ZDHHC21: variants seen among roughly 807,000 people sequenced by gnomAD.
ZDHHC21 encodes zDHHC palmitoyltransferase 21.
Under a neutral mutation model 34.6 loss-of-function variants are expected in ZDHHC21, and 15 were observed. The observed-to-expected ratio is 0.43, with a 90% CI of 0.29 to 0.67. The LOEUF is 0.67. ZDHHC21 is among the 30% of genes least tolerant of loss of function. The pLI, the probability that ZDHHC21 is intolerant of heterozygous loss-of-function variation, is 0.14. For synonymous variants in ZDHHC21, 142 were observed against 101.8 expected, an observed-to-expected ratio of 1.40 and a Z score of -2.38; for missense variants, 344 against 327.7, an observed-to-expected ratio of 1.05 and a Z score of -0.38.
At chr9:14,635,915 A>T (rs1828225801) in intron 8 of ZDHHC21, among the ~76,000 whole-genome samples, 2 of 152,254 alleles carry the variant, frequency 1.3e-5, no homozygotes, top group Middle Eastern at 3.4e-3. Flanking sequence ...ACACACAAAT[A>T]AGGAAGAGGA....
At chr9:14,628,353 A>C (rs1323268437) in intron 8 of ZDHHC21, among the ~76,000 whole-genome samples, 1 of 152,206 alleles carries the variant, frequency 6.6e-6, no homozygotes, top group African/African-American at 2.4e-5. Context: ...GATGAGATAA[A>C]TGATTTATTT....
chr9:14,652,801 T>TTTG (rs549370696), intron 7 of ZDHHC21, among the ~76,000 whole-genome samples: 1 of 152,152 alleles, frequency 6.6e-6, no homozygotes, highest in African/African-American at 2.4e-5. Context: ...ACTCATTTTT[T>TTTG]TTGTTGTTGT....
rs1269879268 is a variant in ZDHHC21, at chr9:14,614,722, T to C, written c.*4244A>G. 6.6e-6 allele frequency: 1 copy of C among 151,706 alleles called. No homozygotes were observed. Among genetic ancestry groups the C allele is most frequent in the East Asian group, 1.9e-4 (1 of 5,192 alleles). 9.4% of individuals were successfully genotyped at this position (151,706 alleles called of 1,614,324 possible). On this transcript the variant is annotated 3_prime_UTR_variant, in exon 10 of 10. Coordinates refer to ENST00000380916, the MANE Select transcript of ZDHHC21 (RefSeq NM_178566.6). Reference sequence around the variant, plus strand: ...TAATCATACAGTTAATACTAGCAAGTAGAACACATTAAATGTACATGGCTT... The same window carrying C: ...TAATCATACAGTTAATACTAGCAAGCAGAACACATTAAATGTACATGGCTT...
At chr9:14,610,816 T>C (rs922201271), downstream of ZDHHC21, among the ~76,000 whole-genome samples, 5 of 152,062 alleles carry the variant, frequency 3.3e-5, no homozygotes, top group African/African-American at 1.2e-4. Context: ...GCCATCTGCG[T>C]CATCTCTAAG....
At chr9:14,664,240 G>T (rs1833951604) in intron 5 of ZDHHC21, among the ~76,000 whole-genome samples, 1 of 152,158 alleles carries the variant, frequency 6.6e-6, no homozygotes. Context: ...GTCAAAGAAA[G>T]GGGTGACGGA....
chr9:14,631,638 G>T (rs977122552), intron 8 of ZDHHC21, among the ~76,000 whole-genome samples: 4 of 152,086 alleles, frequency 2.6e-5, no homozygotes, highest in Admixed American at 1.3e-4. Flanking sequence ...TGTAGTTTTT[G>T]ATTTAAAGTG....
intron 7 of ZDHHC21, among the ~76,000 whole-genome samples, chr9:14,657,038 T>C (rs1282074977): frequency 1.3e-5 from 2 of 152,040 alleles, no homozygotes; most frequent in African/African-American, 2.4e-5. Context: ...AATCCATTTC[T>C]CCATTTTAAA....
intron 8 of ZDHHC21, among the ~76,000 whole-genome samples, chr9:14,639,352 T>C (rs1274200464): frequency 2.6e-5 from 4 of 151,912 alleles, no homozygotes; most frequent in African/African-American, 9.7e-5. Context: ...TACAAGAGGC[T>C]GGAAAGGGTG....
chr9:14,664,867 C>A (rs958678944), intron 5 of ZDHHC21, among the ~76,000 whole-genome samples: 4 of 150,768 alleles, frequency 2.7e-5, no homozygotes, highest in Non-Finnish European at 4.4e-5. Flanking sequence ...TCATCAAAGA[C>A]CAAAAGTAGA....
intron 8 of ZDHHC21, chr9:14,622,676 G>A: frequency 1.0e-6 from 1 of 985,110 alleles, no homozygotes; most frequent in African/African-American, 1.7e-5. Context: ...ATGTGCTGAA[G>A]AGTCCTTTGG....
At chr9:14,686,662 G>A (rs1352808119) in intron 2 of ZDHHC21, among the ~76,000 whole-genome samples, 1 of 152,016 alleles carries the variant, frequency 6.6e-6, no homozygotes, top group African/African-American at 2.4e-5. Context: ...TTGCTTTTTA[G>A]AGACTAAACA....
the ZDHHC21 span, among the ~76,000 whole-genome samples, chr9:14,601,548 G>GACTCC: frequency 6.6e-6 from 1 of 152,146 alleles, no homozygotes; most frequent in Non-Finnish European, 1.5e-5. Context: ...ACTGCTGGTG[G>GACTCC]GAGTGTAAAT....
downstream of ZDHHC21, among the ~76,000 whole-genome samples, chr9:14,609,173 C>G (rs1683288196): frequency 1.6e-5 from 1 of 62,326 alleles, no homozygotes; most frequent in African/African-American, 1.4e-4. Context: ...ACTGATGAAA[C>G]AGCAAAAAAC....
chr9:14,594,217 T>A, the ZDHHC21 span: 2 of 152,068 alleles, frequency 1.3e-5, no homozygotes, highest in African/African-American at 2.4e-5. Context: ...CCAATGAGGA[T>A]GAAATAATCC....
At chr9:14,605,331 A>T in the ZDHHC21 span, among the ~76,000 whole-genome samples, 1 of 152,148 alleles carries the variant, frequency 6.6e-6, no homozygotes, top group South Asian at 2.1e-4. Flanking sequence ...AACAGTACAT[A>T]AGGGTTCCAA....
chr9:14,651,680 T>C (rs891598262), intron 7 of ZDHHC21, among the ~76,000 whole-genome samples: 28 of 152,128 alleles, frequency 1.8e-4, no homozygotes, highest in African/African-American at 6.3e-4. Context: ...ACTCTTTAAA[T>C]ACAGTGGTAC....
At chr9:14,689,077 C>CA (rs1227241081) in intron 2 of ZDHHC21, among the ~76,000 whole-genome samples, 1 of 152,080 alleles carries the variant, frequency 6.6e-6, no homozygotes, top group African/African-American at 2.4e-5. Context: ...ACAAGAACAA[C>CA]AAAAAATGCC....
intron 4 of ZDHHC21, among the ~76,000 whole-genome samples, chr9:14,673,930 G>A (rs1429708919): frequency 2.6e-5 from 4 of 151,982 alleles, no homozygotes; most frequent in Admixed American, 2.6e-4. Flanking sequence ...TATCACTACT[G>A]TGTCAGTTTT....
At chr9:14,682,105 A>G (rs1051664109) in intron 2 of ZDHHC21, among the ~76,000 whole-genome samples, 6 of 152,216 alleles carry the variant, frequency 3.9e-5, no homozygotes, top group Non-Finnish European at 4.4e-5. Context: ...TGTAAAGACC[A>G]CAGATGCTAG....
Sources: allele counts gnomAD v4.1 joint callset (sites outside exome capture counted in the v4.1 genomes callset), GRCh38; gene constraint gnomAD v4.1.1; transcripts MANE v1.5; gene names NCBI Gene and HGNC (gene_info 2026-07-23, HGNC 2026-07-21).